The following ASB2 variants were observed in gnomAD, a reference collection of about 807,000 sequenced individuals.
The protein encoded by ASB2 is ankyrin repeat and SOCS box protein 2.
In ASB2, 58 loss-of-function variants were observed where a neutral mutation model predicts 62.4. The ratio of observed to expected loss-of-function variants is 0.93; its 90% CI spans 0.75 to 1.16. The LOEUF (loss-of-function observed/expected upper bound fraction) is 1.16. ASB2 is among the 50% of genes most tolerant of loss of function. The probability of loss-of-function intolerance (pLI) is 0.00; values close to 1 mark genes in which losing one functional copy is unlikely to be tolerated. For missense variants in ASB2, 928 were observed against 887.9 expected, an observed-to-expected ratio of 1.05 and a Z score of -0.57; for synonymous variants, 386 against 385.3, an observed-to-expected ratio of 1.00 and a Z score of -0.02.
chr14:93,937,658 G>A, intron 9 of ASB2, 40 bp downstream of exon 9: 1 of 1,586,590 alleles, frequency 6.3e-7, no homozygotes, highest in East Asian at 2.3e-5. Context: ...GAGTCAGGCA[G>A]GGAGATCTGC....
chr14:93,940,726 C>A (rs575066237), intron 7 of ASB2, among the ~76,000 whole-genome samples: 23 of 152,330 alleles, frequency 1.5e-4, no homozygotes, highest in Admixed American at 1.4e-3. Context: ...TTCCTCTCTT[C>A]CCTAAAACAC....
chr14:93,966,282 T>G (rs1889589107), intron 1 of ASB2, among the ~76,000 whole-genome samples: 1 of 152,280 alleles, frequency 6.6e-6, no homozygotes, highest in South Asian at 2.1e-4. Flanking sequence ...CATGGATGAG[T>G]CATGACTGCT....
At position 93,954,387 on chromosome 14, in the gene ASB2, C is replaced by T. The variant is rs1889094449; in HGVS notation, c.408G>A (p.Lys136=). The T allele has an allele frequency of 6.2e-7, 1 of 1,614,112 alleles. No individual in the cohort carries two copies. Among genetic ancestry groups the T allele is most frequent in the Non-Finnish European group, 8.5e-7 (1 of 1,179,962 alleles). ...KEGKNLAEPN[K]EGWLPLHEAA... is the part of the protein sequence containing the mutation. ...CCTCGTGCAGCGGCAGCCAGCCCTC[C>T]TTGTTGGGCTCTGCGAGATTCTTCC... Residue 136 remains lysine (K), a synonymous_variant, in exon 4 of 10, where the codon AAG becomes AAA. Transcript: ENST00000555019.
intron 7 of ASB2, among the ~76,000 whole-genome samples, chr14:93,940,944 A>G (rs1290634757): frequency 6.6e-6 from 1 of 152,194 alleles, no homozygotes; most frequent in Non-Finnish European, 1.5e-5. Context: ...ACTCTTAACA[A>G]TGCCCCTACC....
chr14:93,939,732 C>G, intron 7 of ASB2, 60 bp from the exon 8 acceptor site: 2 of 1,280,258 alleles, frequency 1.6e-6, no homozygotes, highest in Non-Finnish European at 2.0e-6. Flanking sequence ...CGGGTAGGGC[C>G]GGCCCCGCCA....
chr14:93,951,383 A>G, intron 5 of ASB2, 139 bp from the exon 6 acceptor site: 2 of 1,023,164 alleles, frequency 2.0e-6, no homozygotes, highest in Non-Finnish European at 2.8e-6. Flanking sequence ...CAATCCCTGC[A>G]TTGAACCTGG....
rs201309635 is a variant in ASB2 at position 93,953,317 on chromosome 14, C to T, written c.634+35G>A. 4.8e-4 allele frequency: 722 copies of T among 1,507,704 alleles called. 2 individuals are homozygous for T. In the African/African-American group the frequency reaches 9.0e-3, roughly 19 times the overall value. 93.4% of individuals were successfully genotyped at this position (1,507,704 alleles called of 1,614,324 possible). A position where few individuals can be genotyped will look rare whatever the true frequency, so the allele number is the denominator to read the frequency against. ...TTGCTCACCCAGCTTCTGGATTCTT[C>T]CGCAGGAAAGCTCACTCCGGGGTGG... On this transcript the variant is annotated intron_variant, in intron 5 of 9. Coordinates refer to ENST00000555019, the MANE Select transcript of ASB2 (RefSeq NM_001202429.2).
At chr14:93,934,918 T>C (rs1888219914) in intron 9 of ASB2, 126 bp from the exon 10 acceptor site, 1 of 749,818 alleles carries the variant, frequency 1.3e-6, no homozygotes. Flanking sequence ...GAGTGCCTGC[T>C]GCTGGTCACC....
intron 2 of ASB2, among the ~76,000 whole-genome samples, chr14:93,960,274 A>G (rs1469570994): frequency 6.6e-6 from 1 of 152,182 alleles, no homozygotes; most frequent in Admixed American, 6.5e-5. Flanking sequence ...GTAACTGAGG[A>G]AGCTGTGCTC....
intron 2 of ASB2, among the ~76,000 whole-genome samples, chr14:93,959,748 A>C (rs1889345139): frequency 6.6e-6 from 1 of 151,448 alleles, no homozygotes; most frequent in Non-Finnish European, 1.5e-5. Flanking sequence ...AGAGCAGAGA[A>C]TGGGCTGGCA....
intron 6 of ASB2, among the ~76,000 whole-genome samples, chr14:93,949,925 G>A (rs1257747057): frequency 1.3e-5 from 2 of 152,152 alleles, no homozygotes; most frequent in African/African-American, 2.4e-5. Flanking sequence ...GCTCAGGCGC[G>A]TGCTGAGTGC....
intron 2 of ASB2, among the ~76,000 whole-genome samples, chr14:93,959,779 C>T (rs971367330): frequency 2.6e-5 from 4 of 152,174 alleles, no homozygotes; most frequent in East Asian, 1.9e-4. Flanking sequence ...CCTAGCCTCT[C>T]GGTGAGTCAA....
At chr14:93,967,241 T>C (rs4900208) in intron 1 of ASB2, among the ~76,000 whole-genome samples, 100,613 of 152,190 alleles carry the variant, frequency 0.66, 35,199 homozygotes, top group East Asian at 0.98. Context: ...CACTCCTTTG[T>C]TGCTTCTCTG....
intron 1 of ASB2, among the ~76,000 whole-genome samples, chr14:93,973,006 C>T (rs1265970541): frequency 2.0e-5 from 3 of 152,216 alleles, no homozygotes; most frequent in East Asian, 3.9e-4. Context: ...TCCCGGCTTT[C>T]GGGTGCCAGG....
In ASB2 at chr14:93,938,997, G is replaced by A. The variant is rs938144032; in HGVS notation, c.1617+111C>T. The A allele has an allele frequency of 6.1e-6, 6 of 976,180 alleles. No individual in the cohort carries two copies. The East Asian group carries it at 1.8e-4, about 30-fold the overall frequency. The allele number at this position is 976,180 out of a possible 1,614,324, so 60.5% of individuals were successfully genotyped here. A position where few individuals can be genotyped will look rare whatever the true frequency, so the allele number is the denominator to read the frequency against. On this transcript the variant is annotated intron_variant, in intron 8 of 9. Coordinates refer to ENST00000555019, the MANE Select transcript of ASB2 (RefSeq NM_001202429.2). Reference sequence around the variant, plus strand: ...CGAAGGGTGTTAATCACTAGTCCACGCTGCTCCCAAGGAGCGCGAACCACC... The same window carrying A: ...CGAAGGGTGTTAATCACTAGTCCACACTGCTCCCAAGGAGCGCGAACCACC...
At position 93,951,051 on chromosome 14, in the gene ASB2, G is replaced by A. The variant is rs369579590; in HGVS notation, c.828C>T (p.Phe276=). Residue 276 remains phenylalanine (F), a synonymous_variant, in exon 6 of 10, where the codon TTC becomes TTT. Coordinates refer to ENST00000555019, the MANE Select transcript of ASB2 (RefSeq NM_001202429.2). ...CCAACTGTCCACTCTGGGCGGCCACGAACAAGGGGGTGATGCCGTAGGCGT... is the reference window on the plus strand; with the variant it reads ...CCAACTGTCCACTCTGGGCGGCCACAAACAAGGGGGTGATGCCGTAGGCGT... ...SKNAYGITPL[F]VAAQSGQLEA... is the part of the protein sequence containing the mutation. 15 of 1,614,184 alleles carry A rather than the reference G, an allele frequency of 9.3e-6. No homozygotes were observed. The highest frequency in any genetic ancestry group is 3.3e-5 in the South Asian group (3 of 91,086).
chr14:93,937,608 A>T, intron 9 of ASB2, 90 bp downstream of exon 9: 1 of 1,306,394 alleles, frequency 7.7e-7, no homozygotes, highest in Non-Finnish European at 1.0e-6. Flanking sequence ...AGGTGCTCAC[A>T]GGGTTAGGAA....
At chr14:93,949,771 A>C (rs928297108) in intron 6 of ASB2, among the ~76,000 whole-genome samples, 1 of 152,048 alleles carries the variant, frequency 6.6e-6, no homozygotes, top group Non-Finnish European at 1.5e-5. Context: ...TATTGAGGTC[A>C]CCCTTGCCTG....
At chr14:93,939,961 G>C (rs1434719874) in intron 7 of ASB2, 7 of 382,452 alleles carry the variant, frequency 1.8e-5, no homozygotes, top group African/African-American at 2.1e-5. Flanking sequence ...CTGGGCTTCA[G>C]ACCCAGAACC....
Sources: gnomAD v4.1 joint callset for allele counts (sites outside exome capture counted in the v4.1 genomes callset) on GRCh38, gnomAD v4.1.1 for gene constraint, MANE v1.5 for transcripts, NCBI Gene and HGNC (gene_info 2026-07-23, HGNC 2026-07-21) for gene names.